The following MPPED2 variants were observed in gnomAD, a reference collection of about 807,000 sequenced individuals.
MPPED2 encodes metallophosphoesterase MPPED2.
In MPPED2, 5 loss-of-function variants were observed where a neutral mutation model predicts 33.0. The observed-to-expected ratio is 0.15, with a 90% CI of 0.08 to 0.32. The LOEUF is 0.32. Ranked by LOEUF, MPPED2 falls within the 10% of genes least tolerant of loss-of-function variation. The pLI is 1.00. For synonymous variants in MPPED2, 136 were observed against 141.9 expected (o/e 0.96, Z 0.29); for missense variants, 275 against 372.1 (o/e 0.74, Z 2.15).
intron 1 of MPPED2, 82 bp from the exon 2 acceptor site, chr11:30,580,576 A>C: frequency 7.6e-7 from 1 of 1,309,396 alleles, no homozygotes; most frequent in Non-Finnish European, 1.0e-6. Flanking sequence ...ACATCTAGAC[A>C]TGAAACTAGT....
chr11:30,470,595 C>T lies in MPPED2; in HGVS notation c.536+24701G>A, dbSNP rs116786660. On this transcript the variant is annotated intron_variant, in intron 4 of 6. Coordinates refer to ENST00000358117, the MANE Select transcript of MPPED2 (RefSeq NM_001584.3). Reference sequence around the variant, plus strand: ...ATACACTTTAAATGGGTGATTTGTACGATACATGAATTATATCTCTACAAA... The same window carrying T: ...ATACACTTTAAATGGGTGATTTGTATGATACATGAATTATATCTCTACAAA... Among the ~76,000 whole-genome samples the T allele has an allele frequency of 2.5e-3, 379 of 152,176 alleles. 2 individuals carry two copies. The highest frequency in any genetic ancestry group is 8.4e-3 in the African/African-American group (348 of 41,500).
In MPPED2 at chr11:30,417,727, T is replaced by C. The variant is rs1948437696; in HGVS notation, c.537-94A>G. ...CTCGCACATTCCCCCACGGTTTGCA[T>C]TGCTCTCTTTTCTCTTTTTGATGGT... On this transcript the variant is annotated intron_variant, in intron 4 of 6. Transcript: ENST00000358117. The C allele has an allele frequency of 5.5e-6, 4 of 728,006 alleles. No individual in the cohort carries two copies. The Admixed American group carries it at 8.6e-5, about 16-fold the overall frequency. The allele number at this position is 728,006 out of a possible 1,614,324, so 45.1% of individuals were successfully genotyped here.
At chr11:30,481,190 C>T (rs1291602194) in intron 4 of MPPED2, among the ~76,000 whole-genome samples, 1 of 152,046 alleles carries the variant, frequency 6.6e-6, no homozygotes, top group Non-Finnish European at 1.5e-5. Flanking sequence ...CACCATGCTT[C>T]TAGACTATAA....
chr11:30,486,797 T>C (rs3781845), intron 4 of MPPED2, among the ~76,000 whole-genome samples: 29,015 of 152,148 alleles, frequency 0.19, 2,875 homozygotes, highest in East Asian at 0.28. Context: ...TGTTAACACA[T>C]GTTATTAAAG....
At chr11:30,415,040 G>A (rs1231769351) in intron 5 of MPPED2, among the ~76,000 whole-genome samples, 3 of 152,182 alleles carry the variant, frequency 2.0e-5, no homozygotes, top group Admixed American at 2.0e-4. Context: ...GATGATTATG[G>A]CCTGGAATGG....
intron 4 of MPPED2, among the ~76,000 whole-genome samples, chr11:30,484,854 C>T (rs754826776): frequency 1.1e-4 from 17 of 152,120 alleles, no homozygotes; most frequent in Non-Finnish European, 2.1e-4. Flanking sequence ...TCCTTTATCC[C>T]CCTTCCCCCA....
chr11:30,413,504 G>T (rs567056), intron 6 of MPPED2, among the ~76,000 whole-genome samples: 52,034 of 152,050 alleles, frequency 0.34, 9,209 homozygotes, highest in Non-Finnish European at 0.38. Flanking sequence ...ATCCCTTGAA[G>T]ATTCCTGTTA....
At position 30,495,278 on chromosome 11, in the gene MPPED2, G is replaced by A. The variant is rs1390003148; in HGVS notation, c.536+18C>T. ...GAGCTAAAAAGCAATGTGGAAAACT[G>A]TTTGAATCATCACTTACCAAGGTGC... is the stretch of plus-strand genomic sequence containing the variant. On this transcript the variant is annotated intron_variant, in intron 4 of 6. Transcript: ENST00000358117. 1.3e-6 allele frequency: 2 copies of A among 1,567,706 alleles called. No individual in the cohort carries two copies. The highest frequency in any genetic ancestry group is 2.2e-5 in the South Asian group (2 of 90,062).
chr11:30,447,062 T>C (rs1365293733), intron 4 of MPPED2, among the ~76,000 whole-genome samples: 1 of 152,150 alleles, frequency 6.6e-6, no homozygotes, highest in Admixed American at 6.5e-5. Context: ...TAAAAGAACA[T>C]TAGATTTGCA....
At chr11:30,393,888 C>T (rs1455825368) in intron 6 of MPPED2, among the ~76,000 whole-genome samples, 1 of 152,180 alleles carries the variant, frequency 6.6e-6, no homozygotes, top group African/African-American at 2.4e-5. Context: ...CTACCACAAT[C>T]GGGATACAAA....
chr11:30,388,984 GGAGA>G (rs141564216), intron 6 of MPPED2: 88 of 1,526,784 alleles, frequency 5.8e-5, no homozygotes, highest in Middle Eastern at 1.8e-4. Flanking sequence ...AAAGAGAGAG[GGAGA>G]GAGAGAGAGA....
chr11:30,463,550 T>C (rs1469793964), intron 4 of MPPED2, among the ~76,000 whole-genome samples: 1 of 152,182 alleles, frequency 6.6e-6, no homozygotes. Flanking sequence ...TGCTCTTTCC[T>C]CCCAGCTTAG....
chr11:30,468,317 A>T (rs1757356620), intron 4 of MPPED2, among the ~76,000 whole-genome samples: 1 of 151,966 alleles, frequency 6.6e-6, no homozygotes, highest in African/African-American at 2.4e-5. Context: ...ATTACTAAAG[A>T]ACAAATGTGC....
At chr11:30,492,402 G>A (rs1055436489) in intron 4 of MPPED2, among the ~76,000 whole-genome samples, 1 of 152,114 alleles carries the variant, frequency 6.6e-6, no homozygotes, top group African/African-American at 2.4e-5. Flanking sequence ...GCTTGCTCAG[G>A]AATAGCCTTA....
At chr11:30,397,048 G>T (rs1947847747) in intron 6 of MPPED2, among the ~76,000 whole-genome samples, 1 of 152,084 alleles carries the variant, frequency 6.6e-6, no homozygotes, top group African/African-American at 2.4e-5. Context: ...TTCTGTAAGT[G>T]TAATTCAGTT....
chr11:30,554,672 T>C (rs372870773), intron 2 of MPPED2, among the ~76,000 whole-genome samples: 205 of 152,152 alleles, frequency 1.3e-3, no homozygotes, highest in African/African-American at 4.8e-3. Context: ...TTTTTGCATT[T>C]TTAGTAGAGA....
rs1948084729 is a variant in MPPED2, at chr11:30,411,079, A to T, written c.*389T>A. 8.1e-6 allele frequency: 8 copies of T among 987,918 alleles called. No individual in the cohort carries two copies. Among genetic ancestry groups the T allele is most frequent in the Non-Finnish European group, 9.6e-6 (8 of 831,316 alleles). The allele number at this position is 987,918 out of a possible 1,614,324, so 61.2% of individuals were successfully genotyped here. ...TAAAATATTTCAAACAATACTCTTA[A>T]ACAGTTGTGCAAATCTGTGTTGGTT... is the stretch of plus-strand genomic sequence containing the variant. On this transcript the variant is annotated 3_prime_UTR_variant, in exon 7 of 7. Transcript: ENST00000358117.
chr11:30,512,365 T>G (rs1953261314), intron 3 of MPPED2, among the ~76,000 whole-genome samples: 1 of 152,170 alleles, frequency 6.6e-6, no homozygotes, highest in Non-Finnish European at 1.5e-5. Flanking sequence ...CCATGGCACC[T>G]AATGTGTCTT....
intron 4 of MPPED2, among the ~76,000 whole-genome samples, chr11:30,473,607 G>A (rs920584851): frequency 6.6e-6 from 1 of 151,910 alleles, no homozygotes; most frequent in African/African-American, 2.4e-5. Flanking sequence ...CTTGGGTGTG[G>A]ATATGAGCTG....
Sources: gnomAD v4.1 joint callset for allele counts (sites outside exome capture counted in the v4.1 genomes callset) on GRCh38, gnomAD v4.1.1 for gene constraint, MANE v1.5 for transcripts, NCBI Gene and HGNC (gene_info 2026-07-23, HGNC 2026-07-21) for gene names.